Variants in ARHGEF7 observed in about 807,000 individuals in gnomAD.
ARHGEF7 encodes the protein Rho guanine nucleotide exchange factor 7.
ARHGEF7 carries 33 observed loss-of-function variants against 109.8 expected under a neutral mutation model. The ratio of observed to expected loss-of-function variants is 0.30; its 90% CI spans 0.23 to 0.40. The LOEUF is 0.40. Ranked by LOEUF, ARHGEF7 falls within the 10% of genes least tolerant of loss-of-function variation. ARHGEF7 has a pLI of 1.00. For missense variants in ARHGEF7, 938 were observed against 1,098.5 expected, an observed-to-expected ratio of 0.85 and a Z score of 2.07; for synonymous variants, 458 against 424.6, an observed-to-expected ratio of 1.08 and a Z score of -0.97.
At chr13:111,142,395 G>C (rs910494458) in intron 1 of ARHGEF7, among the ~76,000 whole-genome samples, 4 of 152,264 alleles carry the variant, frequency 2.6e-5, no homozygotes, top group Non-Finnish European at 5.9e-5. Context: ...TGGAAGATCA[G>C]TTTATAAGTG....
intron 15 of ARHGEF7, among the ~76,000 whole-genome samples, chr13:111,281,536 C>G (rs188458740): frequency 1.3e-5 from 2 of 152,292 alleles, no homozygotes; most frequent in Non-Finnish European, 2.9e-5. Context: ...CATCTGATTT[C>G]TTTCAGCAGT....
intron 8 of ARHGEF7, among the ~76,000 whole-genome samples, chr13:111,244,616 G>A (rs1055531138): frequency 6.6e-5 from 10 of 152,212 alleles, no homozygotes; most frequent in African/African-American, 2.4e-4. Context: ...TCAGCTCCTT[G>A]TGTGCCCTGA....
chr13:111,237,770 CAG>C (rs1272269604), intron 6 of ARHGEF7, among the ~76,000 whole-genome samples: 2 of 152,136 alleles, frequency 1.3e-5, no homozygotes, highest in East Asian at 1.9e-4. Context: ...AGTGCAATAA[CAG>C]AATATGAAAT....
chr13:111,146,566 A>G (rs374185766), intron 1 of ARHGEF7, among the ~76,000 whole-genome samples: 12 of 152,150 alleles, frequency 7.9e-5, no homozygotes, highest in Non-Finnish European at 1.5e-4. Flanking sequence ...AGATGTGACT[A>G]TTTTCTACTG....
chr13:111,125,430 T>C (rs2067497064), intron 1 of ARHGEF7, among the ~76,000 whole-genome samples: 1 of 151,346 alleles, frequency 6.6e-6, no homozygotes, highest in South Asian at 2.1e-4. Flanking sequence ...CTTTTCTCTA[T>C]AGAAGCTATA....
intron 6 of ARHGEF7, chr13:111,241,362 C>T (rs942655): frequency 0.19 from 285,006 of 1,535,434 alleles, 32,284 homozygotes; most frequent in East Asian, 0.64. Context: ...GGCTGCGCCC[C>T]GAGGTCAGGA....
chr13:111,170,255 G>A (rs2077477860), intron 2 of ARHGEF7, among the ~76,000 whole-genome samples: 1 of 149,192 alleles, frequency 6.7e-6, no homozygotes, highest in Non-Finnish European at 1.5e-5. Context: ...GTACCACCAT[G>A]CCTGGCTAAT....
At chr13:111,133,658 G>T (rs860520) in intron 1 of ARHGEF7, among the ~76,000 whole-genome samples, 37,010 of 148,546 alleles carry the variant, frequency 0.25, 4,880 homozygotes, top group Middle Eastern at 0.34. Context: ...GTAAATTTGG[G>T]TGTATGTGAG....
intron 16 of ARHGEF7, 76 bp downstream of exon 16, chr13:111,283,439 G>A (rs1386355554): frequency 1.3e-6 from 2 of 1,501,962 alleles, no homozygotes; most frequent in African/African-American, 1.4e-5. Flanking sequence ...CACGTGCTGG[G>A]CCTTCTGTGT....
chr13:111,195,403 C>T (rs1328685858), intron 2 of ARHGEF7, among the ~76,000 whole-genome samples: 1 of 152,216 alleles, frequency 6.6e-6, no homozygotes, highest in African/African-American at 2.4e-5. Context: ...CTTCCAATTA[C>T]AACTGAGGAG....
chr13:111,172,178 T>C (rs567137120), intron 2 of ARHGEF7, among the ~76,000 whole-genome samples: 2 of 152,314 alleles, frequency 1.3e-5, no homozygotes, highest in East Asian at 3.9e-4. Context: ...GTAAGGGAGA[T>C]TGTAACAAAA....
At chr13:111,133,295 AAC>A (rs1318404065) in intron 1 of ARHGEF7, among the ~76,000 whole-genome samples, 3 of 152,064 alleles carry the variant, frequency 2.0e-5, no homozygotes, top group East Asian at 1.9e-4. Context: ...CGTATCTATA[AAC>A]ACATATGCCT....
chr13:111,277,509 A>G, intron 12 of ARHGEF7, 78 bp from the exon 13 acceptor site: 1 of 884,284 alleles, frequency 1.1e-6, no homozygotes. Flanking sequence ...CCTAGTATAA[A>G]TAAGTGAAGT....
intron 4 of ARHGEF7, among the ~76,000 whole-genome samples, chr13:111,217,308 A>G (rs1225483592): frequency 6.6e-6 from 1 of 152,240 alleles, no homozygotes; most frequent in African/African-American, 2.4e-5. Flanking sequence ...TGGTATAGTC[A>G]TATAGCATAA....
At chr13:111,288,661 T>C (rs543335150) in intron 18 of ARHGEF7, among the ~76,000 whole-genome samples, 1 of 133,276 alleles carries the variant, frequency 7.5e-6, no homozygotes, top group South Asian at 2.4e-4. Context: ...ACAATTGCTG[T>C]GTGATTTTCT....
intron 5 of ARHGEF7, among the ~76,000 whole-genome samples, chr13:111,220,777 G>A (rs571513757): frequency 9.9e-4 from 151 of 152,114 alleles, no homozygotes; most frequent in African/African-American, 3.4e-3. Context: ...TGTTCTACCC[G>A]AAGCCACTAC....
chr13:111,265,748 C>T (rs1394618009), intron 8 of ARHGEF7: 1 of 455,284 alleles, frequency 2.2e-6, no homozygotes, highest in Non-Finnish European at 4.4e-6. Flanking sequence ...AGGATGCAGC[C>T]CTCATGAATA....
At chr13:111,232,677 C>T (rs1379109692) in intron 5 of ARHGEF7, among the ~76,000 whole-genome samples, 6 of 152,026 alleles carry the variant, frequency 3.9e-5, no homozygotes, top group Non-Finnish European at 8.8e-5. Flanking sequence ...GTGGGTTTTT[C>T]TTGTTTTTGC....
intron 1 of ARHGEF7, among the ~76,000 whole-genome samples, chr13:111,153,390 G>A (rs2076005229): frequency 1.3e-5 from 2 of 152,168 alleles, no homozygotes; most frequent in South Asian, 4.1e-4. Context: ...CAGGGAGGAG[G>A]CCGAGCGCGG....
Sources: allele counts gnomAD v4.1 joint callset (sites outside exome capture counted in the v4.1 genomes callset), GRCh38; gene constraint gnomAD v4.1.1; transcripts MANE v1.5; gene names NCBI Gene and HGNC (gene_info 2026-07-23, HGNC 2026-07-21).